Variants in TRAPPC12 observed in about 807,000 individuals in gnomAD.
The protein encoded by TRAPPC12 is TPR repeat protein 15.
A neutral mutation model predicts 69.2 loss-of-function variants in TRAPPC12; 61 were observed. That is an observed-to-expected ratio of 0.88 (90% CI 0.72 to 1.09). TRAPPC12 has a LOEUF of 1.09. Among genes scored for constraint, TRAPPC12 ranks in the 50% least tolerant of loss-of-function variants. The pLI, the probability that TRAPPC12 is intolerant of heterozygous loss-of-function variation, is 0.00. For missense variants in TRAPPC12, 1,101 were observed against 1,016.4 expected (o/e 1.08, Z -1.13); for synonymous variants, 469 against 438.9 (o/e 1.07, Z -0.86).
chr2:3,409,796 A>G (rs1026786692), intron 3 of TRAPPC12, among the ~76,000 whole-genome samples: 2 of 150,720 alleles, frequency 1.3e-5, no homozygotes, highest in South Asian at 4.2e-4. Context: ...AAATGAAAAA[A>G]TCCTGTTTCT....
At chr2:3,409,939 G>T (rs1661962130) in intron 3 of TRAPPC12, among the ~76,000 whole-genome samples, 1 of 152,134 alleles carries the variant, frequency 6.6e-6, no homozygotes, top group African/African-American at 2.4e-5. Context: ...TCTGGGCCTT[G>T]CCCCTTTGCT....
chr2:3,395,454 T>C (rs1661075095), intron 2 of TRAPPC12, among the ~76,000 whole-genome samples: 1 of 152,024 alleles, frequency 6.6e-6, no homozygotes, highest in South Asian at 2.1e-4. Context: ...CTATGTCTTG[T>C]TTTTGCAATT....
intron 5 of TRAPPC12, among the ~76,000 whole-genome samples, chr2:3,440,222 C>T (rs901096576): frequency 2.0e-5 from 3 of 152,070 alleles, no homozygotes; most frequent in Non-Finnish European, 4.4e-5. Flanking sequence ...TGTTGATAAC[C>T]ACAAAATAAT....
intron 9 of TRAPPC12, chr2:3,472,661 A>G (rs1666116637): frequency 6.6e-6 from 1 of 152,270 alleles, no homozygotes; most frequent in Admixed American, 6.5e-5. Flanking sequence ...CCATAAAGAA[A>G]AAGTAAAAAG....
rs1436866330 is a variant in TRAPPC12 at position 3,457,643 on chromosome 2, G to C, written c.1553G>C (p.Gly518Ala). The C allele has an allele frequency of 6.2e-7, 1 of 1,612,570 alleles. No homozygotes were observed. The highest frequency in any genetic ancestry group is 1.7e-5 in the Admixed American group (1 of 60,006). ...CSKILANLEQ[G>A]LAEDGGMSSV... ...CAGATCCTGGCCAATTTGGAGCAAG[G>C]CTTAGCAGAAGACGGCGGCATGAGC... Residue 518 changes from glycine (G) to alanine (A), a missense_variant, in exon 7 of 12, where the codon GGC becomes GCC. Transcript: ENST00000324266.
rs528172744 is a variant in TRAPPC12 at position 3,443,368 on chromosome 2, G to T, written c.1418-411G>T. Among the ~76,000 whole-genome samples, 13 of 152,374 alleles carry T rather than the reference G, an allele frequency of 8.5e-5. No individual in the cohort carries two copies. In the East Asian group the frequency reaches 2.5e-3, roughly 29 times the overall value. ...CTGGCTTACGGCTTCTCCCTTCAGG[G>T]TCTCCTTCTGGGGAACCCAAGCTAA... On this transcript the variant is annotated intron_variant, in intron 5 of 11. Transcript: ENST00000324266.
At chr2:3,426,215 G>T (rs947800653) in intron 5 of TRAPPC12, among the ~76,000 whole-genome samples, 1 of 152,196 alleles carries the variant, frequency 6.6e-6, no homozygotes, top group Non-Finnish European at 1.5e-5. Flanking sequence ...AAGAAAAAAT[G>T]GGAAGGGTAA....
chr2:3,404,799 CT>C (rs1451608654), intron 3 of TRAPPC12, among the ~76,000 whole-genome samples: 2 of 147,074 alleles, frequency 1.4e-5, no homozygotes, highest in African/African-American at 5.1e-5. Context: ...GTAAGCTACT[CT>C]TTTGATAAAG....
chr2:3,446,386 C>T (rs765030882), intron 6 of TRAPPC12, among the ~76,000 whole-genome samples: 21 of 152,170 alleles, frequency 1.4e-4, no homozygotes, highest in Non-Finnish European at 1.2e-4. Context: ...ACTATGTGTT[C>T]CTTTATGTGC....
chr2:3,432,604 T>G (rs1284627022), intron 5 of TRAPPC12, among the ~76,000 whole-genome samples: 1 of 152,238 alleles, frequency 6.6e-6, no homozygotes, highest in Non-Finnish European at 1.5e-5. Flanking sequence ...GTCACAATGC[T>G]TTGCATCAGA....
chr2:3,469,680 AG>A (rs1224350165), intron 9 of TRAPPC12, among the ~76,000 whole-genome samples: 2 of 152,168 alleles, frequency 1.3e-5, no homozygotes, highest in African/African-American at 4.8e-5. Context: ...CTGCCTCCTC[AG>A]GCCATGTCAC....
Position 3,479,471 on chromosome 2 carries a change from A to T in TRAPPC12, c.*10A>T. The T allele has an allele frequency of 6.2e-7, 1 of 1,613,378 alleles. No individual in the cohort carries two copies. The highest frequency in any genetic ancestry group is 1.7e-4 in the Middle Eastern group (1 of 6,060). ...CCTCAAGCTGGCCTAGCTGCCTCCA[A>T]CACACTACGTCAGAAGGACCCGGGT... On this transcript the variant is annotated 3_prime_UTR_variant, in exon 12 of 12. Coordinates refer to ENST00000324266, the MANE Select transcript of TRAPPC12 (RefSeq NM_016030.6).
Position 3,477,743 on chromosome 2 carries a change from G to A in TRAPPC12, c.1825G>A (p.Val609Ile), listed in dbSNP as rs1365916865. The A allele has an allele frequency of 5.0e-6, 8 of 1,608,128 alleles. No homozygotes were observed. The Admixed American group carries it at 1.4e-4, about 28-fold the overall frequency. ...AEKYFQDVEK[V>I]TQKLDGLQGK... ...AAAGTATTTTCAAGACGTTGAGAAA[G>A]TAACACAGAAATTAGATGGACTACA... is the stretch of plus-strand genomic sequence containing the variant. Residue 609 changes from valine to isoleucine, a missense_variant, in exon 10 of 12, where the codon GTA (valine) becomes ATA (isoleucine). Coordinates refer to ENST00000324266, the MANE Select transcript of TRAPPC12 (RefSeq NM_016030.6).
intron 5 of TRAPPC12, among the ~76,000 whole-genome samples, chr2:3,428,212 A>G (rs1308930608): frequency 1.3e-5 from 2 of 152,270 alleles, no homozygotes; most frequent in Non-Finnish European, 2.9e-5. Flanking sequence ...TGGTAAATGG[A>G]TAAAGAGAAG....
chr2:3,383,272 A>G (rs73135190), intron 1 of TRAPPC12, among the ~76,000 whole-genome samples: 4,080 of 152,034 alleles, frequency 0.027, 200 homozygotes, highest in African/African-American at 0.094. Context: ...AGATGTATCC[A>G]TTTTCCCTTT....
chr2:3,405,607 C>A (rs1234820624), intron 3 of TRAPPC12, among the ~76,000 whole-genome samples: 4 of 152,206 alleles, frequency 2.6e-5, no homozygotes, highest in African/African-American at 9.6e-5. Flanking sequence ...TGAGCAAACA[C>A]ATATTAAGCC....
intron 2 of TRAPPC12, among the ~76,000 whole-genome samples, chr2:3,390,284 C>T (rs770762139): frequency 5.9e-5 from 9 of 152,182 alleles, no homozygotes; most frequent in Non-Finnish European, 1.3e-4. Flanking sequence ...AATAGCCTCT[C>T]TAAGGCAGCC....
chr2:3,440,093 C>T (rs1664115261), intron 5 of TRAPPC12, among the ~76,000 whole-genome samples: 1 of 152,148 alleles, frequency 6.6e-6, no homozygotes, highest in African/African-American at 2.4e-5. Context: ...GTCTTTTTTA[C>T]AGTAGCTTTA....
At chr2:3,389,238 T>C (rs1660682107) in intron 2 of TRAPPC12, among the ~76,000 whole-genome samples, 1 of 152,232 alleles carries the variant, frequency 6.6e-6, no homozygotes. Context: ...GCGATGCCCC[T>C]GCCCAGGCCT....
Sources: allele counts gnomAD v4.1 joint callset (sites outside exome capture counted in the v4.1 genomes callset), GRCh38; gene constraint gnomAD v4.1.1; transcripts MANE v1.5; gene names NCBI Gene and HGNC (gene_info 2026-07-23, HGNC 2026-07-21).